OLAH: variants seen among roughly 807,000 people sequenced by gnomAD.
OLAH encodes S-acyl fatty acid synthase thioesterase, medium chain.
A neutral mutation model predicts 27.8 loss-of-function variants in OLAH; 33 were observed. The observed-to-expected ratio is 1.19, with a 90% CI of 0.90 to 1.59. The LOEUF (loss-of-function observed/expected upper bound fraction) is 1.59. Ranked by LOEUF, OLAH falls within the 40% of genes most tolerant of loss-of-function variation. The pLI, the probability that OLAH is intolerant of heterozygous loss-of-function variation, is 0.00. For synonymous variants in OLAH, 120 were observed against 102.9 expected, an observed-to-expected ratio of 1.17 and a Z score of -1.01; for missense variants, 359 against 310.8, an observed-to-expected ratio of 1.16 and a Z score of -1.17.
In OLAH at chr10:15,064,318, T is replaced by C. The variant is rs56111433; in HGVS notation, c.303-85T>C. On this transcript the variant is annotated intron_variant, in intron 4 of 7. Coordinates refer to ENST00000378228, the MANE Select transcript of OLAH (RefSeq NM_001039702.3). ...TCTATTACATGATCATTGTTGTGTT[T>C]ATGATACTGTTCCTTTTGACTTTCG... is the stretch of plus-strand genomic sequence containing the variant. The C allele has an allele frequency of 6.8e-3, 5,089 of 744,598 alleles. 180 individuals are homozygous for C. The African/African-American group carries it at 0.079, about 12-fold the overall frequency. 46.1% of individuals were successfully genotyped at this position (744,598 alleles called of 1,614,324 possible).
At chr10:15,041,919 G>C (rs1843926415), upstream of OLAH, among the ~76,000 whole-genome samples, 1 of 151,900 alleles carries the variant, frequency 6.6e-6, no homozygotes, top group Non-Finnish European at 1.5e-5. Context: ...CTTCCTGAGA[G>C]GCCCAGTTAC....
At chr10:15,065,282 T>A (rs1844445384) in intron 5 of OLAH, among the ~76,000 whole-genome samples, 1 of 152,192 alleles carries the variant, frequency 6.6e-6, no homozygotes, top group South Asian at 2.1e-4. Context: ...GTGCTGTTGC[T>A]CCTGCTGCTC....
chr10:15,067,504 A>G (rs1340676638), intron 6 of OLAH, among the ~76,000 whole-genome samples: 1 of 152,142 alleles, frequency 6.6e-6, no homozygotes, highest in Non-Finnish European at 1.5e-5. Flanking sequence ...CTCACAACCA[A>G]TGAGTTTTTT....
intron 3 of OLAH, among the ~76,000 whole-genome samples, chr10:15,057,577 G>A (rs895038478): frequency 6.6e-6 from 1 of 151,912 alleles, no homozygotes; most frequent in African/African-American, 2.4e-5. Flanking sequence ...GTAGAAATGT[G>A]GTTTTGCCAT....
intron 3 of OLAH, among the ~76,000 whole-genome samples, chr10:15,058,711 T>A (rs1396662054): frequency 6.6e-6 from 1 of 152,224 alleles, no homozygotes; most frequent in Admixed American, 6.5e-5. Flanking sequence ...TCATCTGACA[T>A]TATTTTTATT....
rs1466777366 is a variant in OLAH, at chr10:15,071,918, T to C, written c.655+41T>C. On this transcript the variant is annotated intron_variant, in intron 7 of 7. Coordinates refer to ENST00000378228, the MANE Select transcript of OLAH (RefSeq NM_001039702.3). The stretch of plus-strand genomic sequence containing the variant: ...GTCTCGAGTATTGTATTGAAATATA[T>C]GTTTGATGGCTTTAAAATTTTTTTT... The C allele has an allele frequency of 9.5e-6, 14 of 1,471,006 alleles. No individual in the cohort carries two copies. The Admixed American group carries it at 2.1e-4, about 23-fold the overall frequency. 91.1% of individuals were successfully genotyped at this position (1,471,006 alleles called of 1,614,324 possible).
At chr10:15,043,374 T>C (rs546901087), upstream of OLAH, among the ~76,000 whole-genome samples, 496 of 152,282 alleles carry the variant, frequency 3.3e-3, 2 homozygotes, top group African/African-American at 0.011. Context: ...TCACTCTTTA[T>C]CATCTAGATG....
chr10:15,073,421 G>T lies in OLAH; in HGVS notation c.*192G>T. On this transcript the variant is annotated 3_prime_UTR_variant, in exon 8 of 8. Transcript: ENST00000378228. ...AAGAATACTTCTGGCAGCACTTTGG[G>T]AGGCCAAGGCGGGCGGATCACGAGG... The T allele has an allele frequency of 2.0e-6, 1 of 490,422 alleles. No individual in the cohort carries two copies. The highest frequency in any genetic ancestry group is 2.0e-5 in the African/African-American group (1 of 49,808). 30.4% of individuals were successfully genotyped at this position (490,422 alleles called of 1,614,324 possible).
upstream of OLAH, among the ~76,000 whole-genome samples, chr10:15,042,438 C>A (rs1377541462): frequency 3.9e-5 from 6 of 152,170 alleles, 1 homozygote; most frequent in Non-Finnish European, 8.8e-5. Flanking sequence ...TAGGTGTGAG[C>A]CAGCGTGCCC....
At chr10:15,059,937 G>T (rs1844330209) in intron 3 of OLAH, among the ~76,000 whole-genome samples, 1 of 152,138 alleles carries the variant, frequency 6.6e-6, no homozygotes, top group Non-Finnish European at 1.5e-5. Context: ...CCTTGGTGTG[G>T]TTTTCATTGT....
intron 6 of OLAH, among the ~76,000 whole-genome samples, chr10:15,067,709 C>T (rs773003804): frequency 7.2e-5 from 11 of 152,186 alleles, no homozygotes; most frequent in Non-Finnish European, 1.6e-4. Flanking sequence ...TGCCCTCCTG[C>T]ACCTTCTCCT....
chr10:15,059,288 G>A (rs1284463169), intron 3 of OLAH, among the ~76,000 whole-genome samples: 1 of 148,396 alleles, frequency 6.7e-6, no homozygotes, highest in Non-Finnish European at 1.5e-5. Context: ...CCAGGCTCAA[G>A]CAATCCTCCT....
intron 6 of OLAH, chr10:15,071,403 A>G (rs545225836): frequency 1.0e-5 from 5 of 476,816 alleles, no homozygotes; most frequent in Non-Finnish European, 1.4e-5. Context: ...CTCTGACTCA[A>G]TAAACACGTT....
At chr10:15,054,475 A>C (rs1219481169) in intron 3 of OLAH, among the ~76,000 whole-genome samples, 1 of 152,222 alleles carries the variant, frequency 6.6e-6, no homozygotes, top group Non-Finnish European at 1.5e-5. Flanking sequence ...TCACAGAGCC[A>C]TTACGATTCG....
chr10:15,050,831 G>A lies in OLAH; in HGVS notation c.163+1066G>A, dbSNP rs865863374. Among the ~76,000 whole-genome samples the A allele has an allele frequency of 5.1e-4, 77 of 151,716 alleles. No individual in the cohort carries two copies. In the Middle Eastern group the frequency reaches 0.01, roughly 20 times the overall value. On this transcript the variant is annotated intron_variant, in intron 3 of 7. Transcript: ENST00000378228. ...GCTCGGATTACAGGCGTGAGCCACCGCGCCTGGCCCCAAAGTGCTAGGATT... is the reference window on the plus strand; with the variant it reads ...GCTCGGATTACAGGCGTGAGCCACCACGCCTGGCCCCAAAGTGCTAGGATT...
At chr10:15,032,493 G>C (rs1214183512) in intron 1 of OLAH, 1 of 151,204 alleles carries the variant, frequency 6.6e-6, no homozygotes, top group East Asian at 1.9e-4. Context: ...CATCGTGGAG[G>C]GCGCCTGTAG....
At chr10:15,041,651 C>A (rs534749528), upstream of OLAH, among the ~76,000 whole-genome samples, 1 of 152,192 alleles carries the variant, frequency 6.6e-6, no homozygotes, top group South Asian at 2.1e-4. Flanking sequence ...TCTCGGCTCA[C>A]TGCAAACTCC....
At chr10:15,037,580 CA>C (rs66522152) in intron 1 of OLAH, among the ~76,000 whole-genome samples, 4 of 141,256 alleles carry the variant, frequency 2.8e-5, no homozygotes, top group East Asian at 2.2e-4. Flanking sequence ...GACTCCGTAT[CA>C]AAAAAAAAAG....
chr10:15,072,081 C>T (rs1378518732), intron 7 of OLAH, among the ~76,000 whole-genome samples: 1 of 151,962 alleles, frequency 6.6e-6, no homozygotes, highest in Non-Finnish European at 1.5e-5. Flanking sequence ...TTACAGGTGC[C>T]GGCCACCATA....
Sources: gnomAD v4.1 joint callset for allele counts (sites outside exome capture counted in the v4.1 genomes callset) on GRCh38, gnomAD v4.1.1 for gene constraint, MANE v1.5 for transcripts, NCBI Gene and HGNC (gene_info 2026-07-23, HGNC 2026-07-21) for gene names.